The following COL4A1 variants were observed in gnomAD, a reference collection of about 807,000 sequenced individuals.
The protein encoded by COL4A1 is collagen type IV alpha 1 chain, also known as collagen alpha-1(IV) chain.
In COL4A1, 40 loss-of-function variants were observed where a neutral mutation model predicts 216.6. The observed-to-expected ratio is 0.18, with a 90% CI of 0.14 to 0.24. COL4A1 has a LOEUF of 0.24. COL4A1 is among the 10% of genes least tolerant of loss of function. COL4A1 has a pLI of 1.00. For missense variants in COL4A1, 1,628 were observed against 2,196.8 expected (o/e 0.74, Z 5.18); for synonymous variants, 839 against 810.7 (o/e 1.03, Z -0.59).
intron 1 of COL4A1, among the ~76,000 whole-genome samples, chr13:110,304,296 T>C (rs777596997): frequency 1.3e-5 from 2 of 152,214 alleles, no homozygotes; most frequent in African/African-American, 2.4e-5. Flanking sequence ...CATACTTATA[T>C]GGGAATGAAA....
At chr13:110,217,008 A>G (rs953757375) in intron 2 of COL4A1, among the ~76,000 whole-genome samples, 4 of 152,200 alleles carry the variant, frequency 2.6e-5, no homozygotes, top group Non-Finnish European at 5.9e-5. Context: ...CTTTGAAATG[A>G]AGGAGCTAAG....
chr13:110,267,502 C>T (rs1883089460), intron 1 of COL4A1, among the ~76,000 whole-genome samples: 2 of 152,148 alleles, frequency 1.3e-5, no homozygotes, highest in Admixed American at 6.5e-5. Context: ...CATCCCTGTG[C>T]TGGAGCACCC....
intron 25 of COL4A1, 64 bp from the exon 26 acceptor site, chr13:110,186,617 A>C: frequency 6.3e-7 from 1 of 1,587,412 alleles, no homozygotes; most frequent in Non-Finnish European, 8.6e-7. Context: ...TCCTTATCGC[A>C]TTCTTCTGAC....
At position 110,288,674 on chromosome 13, in the gene COL4A1, C is replaced by T. The variant is rs185274393; in HGVS notation, c.84+18270G>A. On this transcript the variant is annotated intron_variant, in intron 1 of 51. Coordinates refer to ENST00000375820, the MANE Select transcript of COL4A1 (RefSeq NM_001845.6). ...ACTGATTTTCCATTCTTATCCCTCC[C>T]ATGTCCTTGTGTAAAACCCTGGACA... Among the ~76,000 whole-genome samples the T allele has an allele frequency of 4.4e-3, 672 of 152,340 alleles. 4 individuals carry two copies. Among genetic ancestry groups the T allele is most frequent in the Middle Eastern group, 0.01 (3 of 294 alleles).
At chr13:110,272,995 C>T (rs561877196) in intron 1 of COL4A1, among the ~76,000 whole-genome samples, 11 of 152,358 alleles carry the variant, frequency 7.2e-5, no homozygotes, top group Admixed American at 2.0e-4. Context: ...CTTCTCCTTC[C>T]TTCCAGGGAA....
intron 1 of COL4A1, among the ~76,000 whole-genome samples, chr13:110,303,453 A>G (rs1884571677): frequency 6.6e-6 from 1 of 152,206 alleles, no homozygotes; most frequent in Non-Finnish European, 1.5e-5. Context: ...TGTTAATCAC[A>G]GAAACAATGA....
intron 2 of COL4A1, among the ~76,000 whole-genome samples, chr13:110,228,624 G>A (rs1880861386): frequency 1.3e-5 from 2 of 152,210 alleles, no homozygotes; most frequent in African/African-American, 2.4e-5. Flanking sequence ...GACAGGAAAG[G>A]AAACGGATGC....
chr13:110,222,511 C>G (rs931150522), intron 2 of COL4A1, among the ~76,000 whole-genome samples: 1 of 136,590 alleles, frequency 7.3e-6, no homozygotes, highest in Non-Finnish European at 1.7e-5. Context: ...CGGTGGCTCA[C>G]GCCTGTAATC....
rs989772856 is a variant in COL4A1 at position 110,196,954 on chromosome 13, C to G, written c.1285+1513G>C. 1.1e-4 allele frequency among the ~76,000 whole-genome samples: 17 copies of G among 151,954 alleles called. 1 individual carries two copies. The highest frequency in any genetic ancestry group is 7.2e-4 in the Admixed American group (11 of 15,252). ...CTCGATACTCTGTGATTGAGAATTA[C>G]TTAATTTACGTGGACTAAAAAGGCC... On this transcript the variant is annotated intron_variant, in intron 21 of 51. Coordinates refer to ENST00000375820, the MANE Select transcript of COL4A1 (RefSeq NM_001845.6).
chr13:110,295,178 T>C (rs1280638197), intron 1 of COL4A1, among the ~76,000 whole-genome samples: 2 of 152,134 alleles, frequency 1.3e-5, no homozygotes, highest in Non-Finnish European at 2.9e-5. Flanking sequence ...TTTAGACTCT[T>C]TAATGGATAA....
chr13:110,194,018 G>A (rs552345371), intron 22 of COL4A1, among the ~76,000 whole-genome samples: 1 of 152,182 alleles, frequency 6.6e-6, no homozygotes, highest in Non-Finnish European at 1.5e-5. Context: ...GGGATGGATA[G>A]CTAAGATTGC....
At chr13:110,192,358 T>A in intron 23 of COL4A1, 74 bp from the exon 24 acceptor site, 1 of 1,401,878 alleles carries the variant, frequency 7.1e-7, no homozygotes, top group South Asian at 1.2e-5. Flanking sequence ...TTCTTAAGAC[T>A]CAAAAGCATA....
At chr13:110,205,316 A>G in intron 17 of COL4A1, 37 bp downstream of exon 17, 1 of 1,612,832 alleles carries the variant, frequency 6.2e-7, no homozygotes, top group South Asian at 1.1e-5. Flanking sequence ...TGAATTGGAA[A>G]GTGAAGATAA....
At chr13:110,192,789 A>C (rs753740745) in intron 23 of COL4A1, 41 bp downstream of exon 23, 1 of 1,578,356 alleles carries the variant, frequency 6.3e-7, no homozygotes, top group African/African-American at 1.4e-5. Context: ...CAACACACCA[A>C]AGCAAACTCT....
intron 1 of COL4A1, among the ~76,000 whole-genome samples, chr13:110,293,727 A>G (rs9559764): frequency 0.93 from 141,281 of 152,238 alleles, 66,403 homozygotes; most frequent in East Asian, 1. Context: ...ATTTTCCACC[A>G]AAAAGGCTCT....
In COL4A1 at chr13:110,173,769, T is replaced by C. The variant is rs557915272; in HGVS notation, c.3505+131A>G. On this transcript the variant is annotated intron_variant, in intron 40 of 51. Coordinates refer to ENST00000375820, the MANE Select transcript of COL4A1 (RefSeq NM_001845.6). ...TACTCCACACATCCACATCAGTGTT[T>C]AAGTAGTTGCAGGGATGTGCAGTCT... The C allele has an allele frequency of 1.0e-5, 10 of 990,696 alleles. No individual in the cohort carries two copies. The African/African-American group carries it at 1.4e-4, about 14-fold the overall frequency. 61.4% of individuals were successfully genotyped at this position (990,696 alleles called of 1,614,324 possible).
chr13:110,191,534 A>G, intron 24 of COL4A1: 1 of 581,074 alleles, frequency 1.7e-6, no homozygotes, highest in Non-Finnish European at 3.0e-6. Flanking sequence ...ATGCTCTTCT[A>G]TTTAGTGGAT....
chr13:110,273,328 T>C (rs940915670), intron 1 of COL4A1, among the ~76,000 whole-genome samples: 2 of 152,222 alleles, frequency 1.3e-5, no homozygotes, highest in Admixed American at 1.3e-4. Flanking sequence ...TGAGAATCAG[T>C]GGAATGACCT....
chr13:110,174,046 C>A, intron 39 of COL4A1, 48 bp from the exon 40 acceptor site: 1 of 1,597,112 alleles, frequency 6.3e-7, no homozygotes, highest in Non-Finnish European at 8.6e-7. Flanking sequence ...TCTCACAGCA[C>A]CCTAGCTGCC....
Sources: gnomAD v4.1 joint callset for allele counts (sites outside exome capture counted in the v4.1 genomes callset) on GRCh38, gnomAD v4.1.1 for gene constraint, MANE v1.5 for transcripts, NCBI Gene and HGNC (gene_info 2026-07-23, HGNC 2026-07-21) for gene names.